Variants in NEO1 observed in about 807,000 individuals in gnomAD.
NEO1 encodes neogenin 1.
In NEO1, 63 loss-of-function variants were observed where a neutral mutation model predicts 159.7. That is an observed-to-expected ratio of 0.39 (90% CI 0.32 to 0.49). The LOEUF is 0.49. Ranked by LOEUF, NEO1 falls within the 20% of genes least tolerant of loss-of-function variation. NEO1 has a pLI of 0.85. For synonymous variants in NEO1, 633 were observed against 662.0 expected (o/e 0.96, Z 0.67); for missense variants, 1,615 against 1,831.0 (o/e 0.88, Z 2.15).
chr15:73,105,282 C>A (rs529604824), intron 1 of NEO1, among the ~76,000 whole-genome samples: 1 of 152,118 alleles, frequency 6.6e-6, no homozygotes, highest in Non-Finnish European at 1.5e-5. Context: ...TACTTTTCTG[C>A]GAATGATTAC....
chr15:73,240,452 G>A (rs1435093957), intron 8 of NEO1, among the ~76,000 whole-genome samples: 1 of 152,218 alleles, frequency 6.6e-6, no homozygotes, highest in Non-Finnish European at 1.5e-5. Context: ...CAAGAAAGCT[G>A]GCCAAACTGG....
In NEO1 at chr15:73,178,428, G is replaced by A; in HGVS notation, c.1291+1G>A. 1 of 1,613,508 alleles carries A rather than the reference G, an allele frequency of 6.2e-7. No homozygotes were observed. Among genetic ancestry groups the A allele is most frequent in the Non-Finnish European group, 8.5e-7 (1 of 1,179,678 alleles). On this transcript the variant is annotated splice_donor_variant, in intron 7 of 28. Coordinates refer to ENST00000261908, the MANE Select transcript of NEO1 (RefSeq NM_002499.4). LOFTEE classifies it high-confidence loss of function. ...GCCCAACTGATAATCCTTGAACATG[G>A]TAAGAAGGGCTGAAATAGTCAGATG...
chr15:73,182,552 G>T (rs2035673921), intron 7 of NEO1, among the ~76,000 whole-genome samples: 1 of 151,548 alleles, frequency 6.6e-6, no homozygotes, highest in South Asian at 2.1e-4. Context: ...AGAAAAAGAG[G>T]TTTAATGGAC....
intron 13 of NEO1, among the ~76,000 whole-genome samples, chr15:73,256,951 A>G (rs1173418661): frequency 6.6e-6 from 1 of 151,594 alleles, no homozygotes; most frequent in African/African-American, 2.4e-5. Context: ...TTTAATGGAT[A>G]AGCAGAGGCT....
intron 1 of NEO1, among the ~76,000 whole-genome samples, chr15:73,056,444 C>A (rs986890811): frequency 1.2e-4 from 19 of 152,220 alleles, no homozygotes; most frequent in African/African-American, 4.6e-4. Context: ...CTGCTAGTCT[C>A]AACCTCTGAA....
At chr15:73,249,839 C>T in intron 11 of NEO1, 118 bp downstream of exon 11, 1 of 1,184,982 alleles carries the variant, frequency 8.4e-7, no homozygotes, top group Non-Finnish European at 1.2e-6. Flanking sequence ...TTACCTCTTT[C>T]TGGTAATATG....
Position 73,117,398 on chromosome 15 carries a change from TG to T in NEO1, c.448+542del, listed in dbSNP as rs536209511. 8.2e-4 allele frequency among the ~76,000 whole-genome samples: 125 copies of T among 152,272 alleles called. 1 individual carries two copies. Among genetic ancestry groups the T allele is most frequent in the African/African-American group, 2.7e-3 (111 of 41,562 alleles). ...TCCTTATTTGAAGAATGATGGAAAG[TG>T]TAAGAAAAATTAGGGATCTTGAAGA... On this transcript the variant is annotated intron_variant, in intron 2 of 28. Transcript: ENST00000261908.
chr15:73,273,775 A>C, intron 19 of NEO1, 36 bp from the exon 20 acceptor site: 1 of 1,524,162 alleles, frequency 6.6e-7, no homozygotes, highest in African/African-American at 1.4e-5. Context: ...GAAAAGCAGG[A>C]GTGAGATTTC....
At chr15:73,073,518 A>C (rs556675351) in intron 1 of NEO1, among the ~76,000 whole-genome samples, 1 of 152,194 alleles carries the variant, frequency 6.6e-6, no homozygotes, top group South Asian at 2.1e-4. Flanking sequence ...GGGATAGTTT[A>C]AGTATGCAAG....
intron 19 of NEO1, 127 bp from the exon 20 acceptor site, chr15:73,273,684 C>T: frequency 1.4e-6 from 1 of 715,558 alleles, no homozygotes; most frequent in Non-Finnish European, 2.2e-6. Context: ...ATTGTAGACC[C>T]TTGAGGGTAC....
intron 23 of NEO1, among the ~76,000 whole-genome samples, chr15:73,285,903 C>T (rs2041926328): frequency 6.6e-6 from 1 of 152,090 alleles, no homozygotes; most frequent in African/African-American, 2.4e-5. Context: ...CCCGTTCTAC[C>T]CTTTACCCCC....
intron 7 of NEO1, among the ~76,000 whole-genome samples, chr15:73,184,927 CA>C (rs1182952358): frequency 1.3e-5 from 2 of 148,402 alleles, no homozygotes; most frequent in East Asian, 3.9e-4. Context: ...GACTCTGTCT[CA>C]AAAGAAAAAA....
intron 7 of NEO1, among the ~76,000 whole-genome samples, chr15:73,200,053 T>C (rs926976103): frequency 6.6e-6 from 1 of 152,214 alleles, no homozygotes; most frequent in Non-Finnish European, 1.5e-5. Flanking sequence ...ACTGGCTTTA[T>C]AGAATGAGGA....
intron 23 of NEO1, among the ~76,000 whole-genome samples, chr15:73,286,934 C>A (rs1279196413): frequency 6.6e-6 from 1 of 152,200 alleles, no homozygotes; most frequent in African/African-American, 2.4e-5. Flanking sequence ...CTTCTATCCC[C>A]AACCCCACAG....
At chr15:73,287,508 G>C (rs1221696978) in intron 23 of NEO1, among the ~76,000 whole-genome samples, 1 of 152,214 alleles carries the variant, frequency 6.6e-6, no homozygotes, top group Non-Finnish European at 1.5e-5. Flanking sequence ...AGTGAATGGA[G>C]AAGCTAAAAC....
chr15:73,207,643 T>C (rs1004860129), intron 7 of NEO1, among the ~76,000 whole-genome samples: 4 of 152,254 alleles, frequency 2.6e-5, no homozygotes, highest in Non-Finnish European at 5.9e-5. Context: ...ATGCATAGTT[T>C]CGTCCCTACT....
intron 7 of NEO1, among the ~76,000 whole-genome samples, chr15:73,181,880 A>G (rs1256974583): frequency 6.7e-6 from 1 of 149,926 alleles, no homozygotes; most frequent in Non-Finnish European, 1.5e-5. Context: ...TAGAGAAGCC[A>G]GAGATACTTC....
intron 26 of NEO1, 111 bp from the exon 27 acceptor site, chr15:73,298,237 T>C: frequency 1.6e-6 from 2 of 1,288,006 alleles, no homozygotes; most frequent in Non-Finnish European, 2.2e-6. Context: ...CTAGCACTGA[T>C]CGCAAGTGCT....
chr15:73,130,360 A>G (rs533697174), intron 4 of NEO1, among the ~76,000 whole-genome samples: 3 of 149,602 alleles, frequency 2.0e-5, no homozygotes, highest in African/African-American at 7.3e-5. Flanking sequence ...GTTTTGCCTC[A>G]TATATCCCAG....
Sources: gnomAD v4.1 joint callset for allele counts (sites outside exome capture counted in the v4.1 genomes callset) on GRCh38, gnomAD v4.1.1 for gene constraint, MANE v1.5 for transcripts, NCBI Gene and HGNC (gene_info 2026-07-23, HGNC 2026-07-21) for gene names.